GRID2: variants seen among roughly 807,000 people sequenced by gnomAD.
GRID2 encodes glutamate receptor ionotropic, delta-2.
GRID2 carries 33 observed loss-of-function variants against 114.8 expected under a neutral mutation model. The observed-to-expected ratio is 0.29, with a 90% CI of 0.22 to 0.38. The LOEUF is 0.38. Ranked by LOEUF, GRID2 falls within the 10% of genes least tolerant of loss-of-function variation. The pLI is 1.00. For synonymous variants in GRID2, 505 were observed against 449.9 expected (o/e 1.12, Z -1.55); for missense variants, 1,184 against 1,257.7 (o/e 0.94, Z 0.89).
intron 1 of GRID2, among the ~76,000 whole-genome samples, chr4:92,538,402 TC>T (rs1457630682): frequency 6.6e-6 from 1 of 152,204 alleles, no homozygotes; most frequent in Non-Finnish European, 1.5e-5. Flanking sequence ...ATCCTGTAAC[TC>T]AACAATGTGT....
intron 14 of GRID2, among the ~76,000 whole-genome samples, chr4:93,720,159 A>G (rs531545755): frequency 2.6e-5 from 4 of 152,308 alleles, no homozygotes; most frequent in Non-Finnish European, 4.4e-5. Flanking sequence ...AAAAATGACT[A>G]CAAGAAGAGA....
At chr4:92,967,769 C>T (rs920132989) in intron 2 of GRID2, among the ~76,000 whole-genome samples, 1 of 151,866 alleles carries the variant, frequency 6.6e-6, no homozygotes. Context: ...TGTGGAGGGA[C>T]AAGACTGTGC....
At chr4:93,328,232 C>T (rs4693313) in intron 8 of GRID2, among the ~76,000 whole-genome samples, 95,543 of 152,094 alleles carry the variant, frequency 0.63, 31,844 homozygotes, top group African/African-American at 0.86. Flanking sequence ...TGTCTTTCCA[C>T]CTTATTTAGA....
At chr4:93,026,719 C>T (rs1723915390) in intron 2 of GRID2, among the ~76,000 whole-genome samples, 1 of 151,964 alleles carries the variant, frequency 6.6e-6, no homozygotes, top group South Asian at 2.1e-4. Context: ...CTTGCCTGAT[C>T]ATTGCATCTT....
intron 2 of GRID2, among the ~76,000 whole-genome samples, chr4:92,791,465 C>T (rs1186488671): frequency 6.6e-6 from 1 of 151,756 alleles, no homozygotes; most frequent in African/African-American, 2.4e-5. Context: ...ATTAGTTTTA[C>T]TTAAGAATTG....
chr4:92,711,207 C>A (rs1430233475), intron 2 of GRID2, among the ~76,000 whole-genome samples: 9 of 151,982 alleles, frequency 5.9e-5, no homozygotes, highest in Non-Finnish European at 4.4e-5. Flanking sequence ...TATTCAGACC[C>A]TTTAGAGACA....
chr4:93,346,614 G>T (rs1359985853), intron 8 of GRID2, among the ~76,000 whole-genome samples: 3 of 152,110 alleles, frequency 2.0e-5, no homozygotes, highest in Non-Finnish European at 4.4e-5. Context: ...ACCAAAGCCT[G>T]TTCTAATAAT....
chr4:92,761,368 T>C (rs1738003999), intron 2 of GRID2, among the ~76,000 whole-genome samples: 1 of 152,196 alleles, frequency 6.6e-6, no homozygotes, highest in Non-Finnish European at 1.5e-5. Context: ...TCTTTCACTG[T>C]GTTACCAAAT....
intron 2 of GRID2, among the ~76,000 whole-genome samples, chr4:93,004,954 A>T (rs1721358267): frequency 1.3e-5 from 2 of 151,872 alleles, no homozygotes; most frequent in Admixed American, 1.3e-4. Context: ...TTTTCTGTCT[A>T]CCTCAAGGCC....
chr4:93,496,957 C>G (rs1320711025), intron 12 of GRID2, among the ~76,000 whole-genome samples: 1 of 151,636 alleles, frequency 6.6e-6, no homozygotes, highest in Non-Finnish European at 1.5e-5. Flanking sequence ...AACTGCCCTA[C>G]TAATTTCCAG....
chr4:92,934,619 G>A, intron 2 of GRID2, among the ~76,000 whole-genome samples: 1 of 146,324 alleles, frequency 6.8e-6, no homozygotes, highest in Non-Finnish European at 1.5e-5. Context: ...GAGGCATCAT[G>A]CTACCTGACT....
intron 13 of GRID2, among the ~76,000 whole-genome samples, chr4:93,555,299 C>T (rs938327045): frequency 3.9e-5 from 6 of 152,142 alleles, no homozygotes; most frequent in African/African-American, 1.4e-4. Flanking sequence ...GCCAGGGAGC[C>T]AAGTGGTCTA....
chr4:92,666,778 A>G (rs971180340), intron 2 of GRID2, among the ~76,000 whole-genome samples: 2 of 150,178 alleles, frequency 1.3e-5, no homozygotes, highest in Admixed American at 6.7e-5. Context: ...TCTGGTTCAC[A>G]AAAATGAGAA....
chr4:93,564,025 G>A (rs1735168193), intron 13 of GRID2, among the ~76,000 whole-genome samples: 1 of 151,662 alleles, frequency 6.6e-6, no homozygotes, highest in Non-Finnish European at 1.5e-5. Context: ...TATTGACCAA[G>A]AAAATAAATT....
chr4:92,659,597 A>G (rs1732421307), intron 2 of GRID2, among the ~76,000 whole-genome samples: 1 of 151,606 alleles, frequency 6.6e-6, no homozygotes, highest in Admixed American at 6.6e-5. Flanking sequence ...TTTGTTTTCT[A>G]AGATGTACTC....
intron 2 of GRID2, among the ~76,000 whole-genome samples, chr4:92,854,440 G>A (rs1484786143): frequency 6.6e-6 from 1 of 151,858 alleles, no homozygotes; most frequent in Non-Finnish European, 1.5e-5. Context: ...CTGTGCTTGA[G>A]GAACATAGAG....
rs544829041 is a variant in GRID2, at chr4:92,499,008, A to T, written c.89-91123A>T. Among the ~76,000 whole-genome samples, 96 of 151,672 alleles carry T rather than the reference A, an allele frequency of 6.3e-4. 1 individual carries two copies. The highest frequency in any genetic ancestry group is 1.2e-3 in the Non-Finnish European group (83 of 67,830). On this transcript the variant is annotated intron_variant, in intron 1 of 15. Coordinates refer to ENST00000282020, the MANE Select transcript of GRID2 (RefSeq NM_001510.4). ...TTGTGACCTGAATAAAAAGAAAATTAGATTTCTTAAAATCAAATCTAGGGA... is the reference window on the plus strand; with the variant it reads ...TTGTGACCTGAATAAAAAGAAAATTTGATTTCTTAAAATCAAATCTAGGGA...
intron 1 of GRID2, among the ~76,000 whole-genome samples, chr4:92,341,326 A>G (rs2110163009): frequency 6.6e-6 from 1 of 152,208 alleles, no homozygotes; most frequent in South Asian, 2.1e-4. Context: ...TGTCCTACCT[A>G]ATGTGGATCA....
intron 8 of GRID2, among the ~76,000 whole-genome samples, chr4:93,360,564 ATC>A (rs977323663): frequency 1.3e-5 from 2 of 151,904 alleles, no homozygotes. Context: ...AAAAATATAT[ATC>A]TGTTATTAAT....
Sources: gnomAD v4.1 joint callset for allele counts (sites outside exome capture counted in the v4.1 genomes callset) on GRCh38, gnomAD v4.1.1 for gene constraint, MANE v1.5 for transcripts, NCBI Gene and HGNC (gene_info 2026-07-23, HGNC 2026-07-21) for gene names.